Variants in WAPL observed in about 807,000 individuals in gnomAD.
WAPL encodes the protein wings apart-like protein homolog.
A neutral mutation model predicts 121.0 loss-of-function variants in WAPL; 5 were observed. The ratio of observed to expected loss-of-function variants is 0.04; its 90% CI spans 0.02 to 0.09. The LOEUF (loss-of-function observed/expected upper bound fraction) is 0.09. Ranked by LOEUF, WAPL falls within the 10% of genes least tolerant of loss-of-function variation. The probability of loss-of-function intolerance (pLI) is 1.00; values close to 1 mark genes in which losing one functional copy is unlikely to be tolerated. For synonymous variants in WAPL, 480 were observed against 481.5 expected (o/e 1.00, Z 0.04); for missense variants, 999 against 1,410.8 (o/e 0.71, Z 4.68).
At chr10:86,468,387 G>T (rs145929959) in intron 8 of WAPL, among the ~76,000 whole-genome samples, 9 of 151,804 alleles carry the variant, frequency 5.9e-5, no homozygotes, top group African/African-American at 2.2e-4. Flanking sequence ...TTTTGTGGAT[G>T]GGGTTTCACC....
At chr10:86,461,994 T>C (rs766571648) in intron 9 of WAPL, among the ~76,000 whole-genome samples, 6 of 152,234 alleles carry the variant, frequency 3.9e-5, no homozygotes, top group Non-Finnish European at 8.8e-5. Flanking sequence ...ATATTCATCA[T>C]GTGGCCATGA....
chr10:86,509,625 G>A (rs1445616323), intron 2 of WAPL, among the ~76,000 whole-genome samples: 2 of 152,146 alleles, frequency 1.3e-5, no homozygotes, highest in Admixed American at 1.3e-4. Context: ...GCTGGAAGGA[G>A]GCATCCCCGT....
At chr10:86,485,260 A>G (rs1841903716) in intron 4 of WAPL, among the ~76,000 whole-genome samples, 3 of 152,050 alleles carry the variant, frequency 2.0e-5, no homozygotes, top group African/African-American at 7.2e-5. Flanking sequence ...AAATACGATT[A>G]GGCAGGGCAC....
At chr10:86,439,803 C>A (rs995685109) in intron 17 of WAPL, among the ~76,000 whole-genome samples, 17 of 152,160 alleles carry the variant, frequency 1.1e-4, no homozygotes, top group Admixed American at 1.1e-3. Flanking sequence ...GGAGGGGCAA[C>A]AAAGCAGGAA....
chr10:86,472,558 TG>T lies in WAPL; in HGVS notation c.1893+53del. On this transcript the variant is annotated intron_variant, in intron 6 of 18. Coordinates refer to ENST00000298767, the MANE Select transcript of WAPL (RefSeq NM_015045.5). The surrounding 1 kb of genome is among the most constrained non-coding windows in gnomAD (Gnocchi z 4.2). Reference sequence around the variant, plus strand: ...TTGTTGAAGATATTAAATGGCTAAATGTTACATACAAAAATCTATCAACATG... The same window carrying T: ...TTGTTGAAGATATTAAATGGCTAAATTTACATACAAAAATCTATCAACATG... 2 of 1,588,226 alleles carry T rather than the reference TG, an allele frequency of 1.3e-6. No homozygotes were observed. Among genetic ancestry groups the T allele is most frequent in the Admixed American group, 3.7e-5 (2 of 54,380 alleles).
At chr10:86,448,629 T>C (rs1840895490) in intron 15 of WAPL, among the ~76,000 whole-genome samples, 1 of 152,190 alleles carries the variant, frequency 6.6e-6, no homozygotes, top group African/African-American at 2.4e-5. Context: ...TTTATTTACT[T>C]TTCGGACAGG....
At chr10:86,481,850 T>TA (rs1018273383) in intron 4 of WAPL, among the ~76,000 whole-genome samples, 406 of 143,078 alleles carry the variant, frequency 2.8e-3, no homozygotes, top group Non-Finnish European at 4.7e-3. Context: ...TTGTACACAT[T>TA]AAAAAAAAAA....
intron 17 of WAPL, among the ~76,000 whole-genome samples, chr10:86,439,339 C>G (rs1201314774): frequency 6.6e-6 from 1 of 152,198 alleles, no homozygotes; most frequent in Non-Finnish European, 1.5e-5. Context: ...CAAAAGCTAT[C>G]ACAGTGGTGG....
At position 86,453,820 on chromosome 10, in the gene WAPL, T is replaced by G. The variant is rs745740928; in HGVS notation, c.2669A>C (p.His890Pro). The G allele has an allele frequency of 6.2e-7, 1 of 1,604,100 alleles. No homozygotes were observed. The highest frequency in any genetic ancestry group is 8.5e-7 in the Non-Finnish European group (1 of 1,176,806). Reference sequence around the variant, plus strand: ...GTACTGCTGAATCAGTTCTTCACAATGCTGTAATGCTCTTAAAAGGAAATA... The same window carrying G: ...GTACTGCTGAATCAGTTCTTCACAAGGCTGTAATGCTCTTAAAAGGAAATA... ...LIVSSAKALQ[H>P]CEELIQQYNR... Residue 890 changes from histidine to proline, a missense_variant, in exon 13 of 19, where the codon CAT (histidine) becomes CCT (proline). By Grantham distance (77) the His-to-Pro change is moderately conservative. This residue lies in a region of WAPL where 118 missense variants were observed against 318.3 expected (regional missense o/e 0.37). Coordinates refer to ENST00000298767, the MANE Select transcript of WAPL (RefSeq NM_015045.5).
intron 1 of WAPL, among the ~76,000 whole-genome samples, chr10:86,519,961 T>C (rs1258162617): frequency 6.6e-6 from 1 of 152,232 alleles, no homozygotes; most frequent in Non-Finnish European, 1.5e-5. Flanking sequence ...TTCAGATGAA[T>C]ACCTGACACT....
chr10:86,467,168 A>C (rs750877852), intron 9 of WAPL, 111 bp downstream of exon 9: 3 of 1,002,526 alleles, frequency 3.0e-6, no homozygotes, highest in Admixed American at 2.6e-5. Context: ...GCCAAACTGT[A>C]AACCAAGGTT....
intron 7 of WAPL, among the ~76,000 whole-genome samples, chr10:86,471,398 TTC>T (rs2132192193): frequency 6.6e-6 from 1 of 152,308 alleles, no homozygotes; most frequent in Non-Finnish European, 1.5e-5. Context: ...TCATTAATAC[TTC>T]TGATAAAAAT....
chr10:86,467,579 T>G (rs932429581), intron 8 of WAPL, 73 bp from the exon 9 acceptor site: 1 of 1,100,762 alleles, frequency 9.1e-7, no homozygotes, highest in Admixed American at 2.6e-5. Flanking sequence ...GAAATAAGAC[T>G]ATTAATGACT....
At chr10:86,483,021 T>C (rs1841827819) in intron 4 of WAPL, among the ~76,000 whole-genome samples, 1 of 152,326 alleles carries the variant, frequency 6.6e-6, no homozygotes, top group East Asian at 1.9e-4. Context: ...TTAATGGAGC[T>C]GAAAAATTCC....
intron 2 of WAPL, among the ~76,000 whole-genome samples, chr10:86,503,579 C>T (rs1333761816): frequency 2.0e-5 from 3 of 151,602 alleles, no homozygotes; most frequent in Admixed American, 2.0e-4. Context: ...AGTGAAACTC[C>T]GTCTCTACTA....
intron 14 of WAPL, 30 bp downstream of exon 14, chr10:86,453,190 C>T (rs975091797): frequency 1.5e-5 from 23 of 1,577,822 alleles, no homozygotes; most frequent in Non-Finnish European, 2.0e-5. Context: ...AGATATGATA[C>T]TCATTTCTGA....
chr10:86,463,751 C>G (rs902877867), intron 9 of WAPL, among the ~76,000 whole-genome samples: 3 of 152,216 alleles, frequency 2.0e-5, no homozygotes, highest in Non-Finnish European at 2.9e-5. Context: ...GCAAGCTCTA[C>G]TCATGGTAAG....
chr10:86,498,823 A>C (rs1842195117), intron 3 of WAPL, among the ~76,000 whole-genome samples: 1 of 152,172 alleles, frequency 6.6e-6, no homozygotes, highest in Non-Finnish European at 1.5e-5. Context: ...GAGGACCCTT[A>C]GTCACTACTG....
chr10:86,467,525 A>T lies in WAPL; in HGVS notation c.2143-19T>A. The T allele has an allele frequency of 6.4e-7, 1 of 1,574,652 alleles. No homozygotes were observed. The highest frequency in any genetic ancestry group is 1.9e-5 in the Admixed American group (1 of 51,558). On this transcript the variant is annotated intron_variant, in intron 8 of 18. Coordinates refer to ENST00000298767, the MANE Select transcript of WAPL (RefSeq NM_015045.5). ...ACAGATTCTTCAACAGGCCAAAAAA[A>T]GAAAAGAAAAAAAACTTCATGTAAG...
Sources: allele counts gnomAD v4.1 joint callset (sites outside exome capture counted in the v4.1 genomes callset), GRCh38; gene constraint gnomAD v4.1.1; regional missense constraint gnomAD v4.1.1; non-coding constraint Gnocchi (gnomAD v3.1); transcripts MANE v1.5; gene names NCBI Gene and HGNC (gene_info 2026-07-23, HGNC 2026-07-21).